Variants in ENOX1 observed in about 807,000 individuals in gnomAD.
ENOX1 encodes ecto-NOX disulfide-thiol exchanger 1, also known as candidate growth-related and time keeping constitutive hydroquinone (NADH) oxidase.
Under a neutral mutation model 82.5 loss-of-function variants are expected in ENOX1, and 42 were observed. The ratio of observed to expected loss-of-function variants is 0.51; its 90% CI spans 0.40 to 0.66. ENOX1 has a LOEUF of 0.66. Ranked by LOEUF, ENOX1 falls within the 30% of genes least tolerant of loss-of-function variation. ENOX1 has a pLI of 0.00. For missense variants in ENOX1, 608 were observed against 811.6 expected, an observed-to-expected ratio of 0.75 and a Z score of 3.05; for synonymous variants, 271 against 282.2, an observed-to-expected ratio of 0.96 and a Z score of 0.40.
chr13:43,413,121 G>A, intron 3 of ENOX1, 133 bp from the exon 4 acceptor site: 1 of 885,014 alleles, frequency 1.1e-6, no homozygotes, highest in South Asian at 2.3e-5. Context: ...AAGAAATGCT[G>A]CTTCCCATCG....
chr13:43,471,577 A>T (rs2058067727), intron 3 of ENOX1, among the ~76,000 whole-genome samples: 1 of 152,140 alleles, frequency 6.6e-6, no homozygotes, highest in East Asian at 1.9e-4. Flanking sequence ...TTGGGAGGTC[A>T]AGGTGGGAGG....
At chr13:43,503,564 C>A (rs572576121) in intron 2 of ENOX1, among the ~76,000 whole-genome samples, 57 of 151,704 alleles carry the variant, frequency 3.8e-4, no homozygotes, top group African/African-American at 1.3e-3. Context: ...AGTAGAGAAT[C>A]CAGAATAAAC....
At chr13:43,400,137 A>C (rs1001392493) in intron 5 of ENOX1, among the ~76,000 whole-genome samples, 1 of 152,048 alleles carries the variant, frequency 6.6e-6, no homozygotes, top group African/African-American at 2.4e-5. Flanking sequence ...TACTGGGAGG[A>C]CACAACAGTG....
At chr13:43,341,460 T>C (rs1055875346) in intron 9 of ENOX1, among the ~76,000 whole-genome samples, 6 of 151,870 alleles carry the variant, frequency 4.0e-5, no homozygotes, top group Non-Finnish European at 7.4e-5. Context: ...GAACAGAACG[T>C]ATAAAGCCGA....
At chr13:43,759,052 G>A (rs2153834658) in intron 1 of ENOX1, among the ~76,000 whole-genome samples, 1 of 148,994 alleles carries the variant, frequency 6.7e-6, no homozygotes, top group South Asian at 2.1e-4. Context: ...GAATGAAACA[G>A]AAAGTTAAGT....
chr13:43,429,461 G>T (rs2055530271), intron 3 of ENOX1, among the ~76,000 whole-genome samples: 1 of 151,970 alleles, frequency 6.6e-6, no homozygotes, highest in Admixed American at 6.6e-5. Flanking sequence ...ATTCATTGTT[G>T]ATACACATGA....
chr13:43,232,541 C>T (rs568676687), intron 15 of ENOX1, among the ~76,000 whole-genome samples: 58 of 152,270 alleles, frequency 3.8e-4, no homozygotes, highest in African/African-American at 1.3e-3. Context: ...TTCTACTCAG[C>T]TGTTTCTTTA....
intron 2 of ENOX1, among the ~76,000 whole-genome samples, chr13:43,511,399 T>TAGAGTTC (rs1368367771): frequency 2.0e-5 from 3 of 152,170 alleles, no homozygotes; most frequent in African/African-American, 7.2e-5. Context: ...AACTGCACAA[T>TAGAGTTC]AGAGTTCATG....
intron 1 of ENOX1, among the ~76,000 whole-genome samples, chr13:43,700,416 T>C (rs2086851642): frequency 6.6e-6 from 1 of 152,180 alleles, no homozygotes; most frequent in Non-Finnish European, 1.5e-5. Flanking sequence ...ATAGTTCATC[T>C]CCCTGCTTGC....
chr13:43,489,783 T>C (rs1221625526), intron 2 of ENOX1, among the ~76,000 whole-genome samples: 1 of 152,214 alleles, frequency 6.6e-6, no homozygotes, highest in Non-Finnish European at 1.5e-5. Flanking sequence ...TGAGTATGTC[T>C]TGAAGAAGAT....
intron 2 of ENOX1, among the ~76,000 whole-genome samples, chr13:43,653,420 A>T (rs1457944535): frequency 4.6e-5 from 7 of 152,214 alleles, no homozygotes; most frequent in Admixed American, 4.6e-4. Context: ...TAAAGATACT[A>T]CAAACAAACT....
chr13:43,435,582 G>T (rs2055971378), intron 3 of ENOX1, among the ~76,000 whole-genome samples: 1 of 152,150 alleles, frequency 6.6e-6, no homozygotes, highest in Non-Finnish European at 1.5e-5. Flanking sequence ...TATGCTTCAA[G>T]AAATAAACCA....
At chr13:43,500,969 T>C (rs1225708727) in intron 2 of ENOX1, among the ~76,000 whole-genome samples, 1 of 151,648 alleles carries the variant, frequency 6.6e-6, no homozygotes, top group Non-Finnish European at 1.5e-5. Flanking sequence ...AAAGCTCACA[T>C]AATAAAACAG....
chr13:43,712,151 T>A (rs1421035144), intron 1 of ENOX1, among the ~76,000 whole-genome samples: 1 of 148,456 alleles, frequency 6.7e-6, no homozygotes, highest in African/African-American at 2.4e-5. Flanking sequence ...GCTAGCCAGT[T>A]TTCCCAGCAC....
intron 16 of ENOX1, among the ~76,000 whole-genome samples, chr13:43,220,707 G>T (rs2041741613): frequency 6.6e-6 from 1 of 152,082 alleles, no homozygotes; most frequent in African/African-American, 2.4e-5. Context: ...TGTTATCTCT[G>T]CTGTCATATG....
intron 2 of ENOX1, among the ~76,000 whole-genome samples, chr13:43,494,634 G>T (rs541510350): frequency 6.6e-6 from 1 of 152,298 alleles, no homozygotes; most frequent in South Asian, 2.1e-4. Flanking sequence ...TGACACACGG[G>T]AGTGACACAC....
At chr13:43,531,726 A>G (rs1446346349) in intron 2 of ENOX1, among the ~76,000 whole-genome samples, 1 of 148,462 alleles carries the variant, frequency 6.7e-6, no homozygotes, top group Non-Finnish European at 1.5e-5. Flanking sequence ...CATATACACC[A>G]TGGAATACTA....
At chr13:43,605,069 A>G (rs533164439) in intron 2 of ENOX1, among the ~76,000 whole-genome samples, 1 of 152,190 alleles carries the variant, frequency 6.6e-6, no homozygotes, top group Non-Finnish European at 1.5e-5. Flanking sequence ...AATGTGAAAG[A>G]TATCTACAAT....
chr13:43,418,035 C>T (rs1267404398), intron 3 of ENOX1, among the ~76,000 whole-genome samples: 2 of 151,820 alleles, frequency 1.3e-5, no homozygotes, highest in Non-Finnish European at 2.9e-5. Context: ...ATGGTGAAAC[C>T]CTGTCTCTAC....
Sources: allele counts gnomAD v4.1 joint callset (sites outside exome capture counted in the v4.1 genomes callset), GRCh38; gene constraint gnomAD v4.1.1; transcripts MANE v1.5; gene names NCBI Gene and HGNC (gene_info 2026-07-23, HGNC 2026-07-21).